SYK: variants seen among roughly 807,000 people sequenced by gnomAD.
SYK encodes the protein tyrosine-protein kinase SYK.
A neutral mutation model predicts 77.8 loss-of-function variants in SYK; 16 were observed. That is an observed-to-expected ratio of 0.21 (90% CI 0.14 to 0.31). SYK has a LOEUF of 0.31. SYK is among the 10% of genes least tolerant of loss of function. The pLI is 1.00. For missense variants in SYK, 529 were observed against 814.4 expected (o/e 0.65, Z 4.26); for synonymous variants, 312 against 308.7 (o/e 1.01, Z -0.11).
At chr9:90,808,546 C>A (rs1222627199) in intron 1 of SYK, among the ~76,000 whole-genome samples, 3 of 151,432 alleles carry the variant, frequency 2.0e-5, no homozygotes, top group African/African-American at 7.3e-5. Flanking sequence ...AGGAGGAGGG[C>A]AAGACCTGGA....
intron 1 of SYK, among the ~76,000 whole-genome samples, chr9:90,835,729 C>T (rs1826052984): frequency 6.6e-6 from 1 of 152,202 alleles, no homozygotes; most frequent in Non-Finnish European, 1.5e-5. Flanking sequence ...CCATCTGAAG[C>T]AGCCACAGGG....
intron 3 of SYK, among the ~76,000 whole-genome samples, chr9:90,852,923 G>A (rs1826874417): frequency 2.0e-5 from 3 of 152,196 alleles, no homozygotes; most frequent in African/African-American, 7.2e-5. Flanking sequence ...AAGCTGATGT[G>A]CTGCAAAGTC....
At chr9:90,885,704 G>A (rs1301972632) in intron 11 of SYK, among the ~76,000 whole-genome samples, 1 of 152,124 alleles carries the variant, frequency 6.6e-6, no homozygotes, top group South Asian at 2.1e-4. Context: ...CAGATACAAT[G>A]CAAAATCATC....
rs200167353 is a variant in SYK at position 90,874,725 on chromosome 9, G to A, written c.1057G>A (p.Ala353Thr). 105 of 1,613,988 alleles carry A rather than the reference G, an allele frequency of 6.5e-5. No homozygotes were observed. Among genetic ancestry groups the A allele is most frequent in the Non-Finnish European group, 8.5e-5 (100 of 1,180,028 alleles). ...MDTEVYESPY[A>T]DPEEIRPKEV... Reference sequence around the variant, plus strand: ...CACAGAGGTGTACGAGAGCCCCTACGCGGACCCCGAGGAGATCAGGCCCAA... The same window carrying A: ...CACAGAGGTGTACGAGAGCCCCTACACGGACCCCGAGGAGATCAGGCCCAA... The change falls in exon 9 of 14, where the codon GCG (alanine) becomes ACG (threonine). Residue 353 changes from alanine to threonine, a missense_variant. Ala to Thr is a moderately conservative substitution (Grantham distance 58). This residue lies in a region of SYK where 208 missense variants were observed against 381.3 expected (regional missense o/e 0.55). Transcript: ENST00000375754.
intron 11 of SYK, among the ~76,000 whole-genome samples, chr9:90,884,208 T>TA (rs1828290466): frequency 6.8e-6 from 1 of 147,582 alleles, no homozygotes; most frequent in Admixed American, 6.7e-5. Flanking sequence ...CATACGTGTA[T>TA]ATATACACGC....
At chr9:90,836,169 C>T (rs1564081810) in intron 1 of SYK, among the ~76,000 whole-genome samples, 1 of 151,994 alleles carries the variant, frequency 6.6e-6, no homozygotes, top group African/African-American at 2.4e-5. Context: ...CACCTGTAAT[C>T]CCAGCTACTT....
chr9:90,865,420 G>C (rs540617234), intron 6 of SYK, among the ~76,000 whole-genome samples: 39 of 151,768 alleles, frequency 2.6e-4, no homozygotes, highest in African/African-American at 8.9e-4. Context: ...CCATTCTCAT[G>C]CCTCAGCCTC....
At chr9:90,842,756 AGAGTGTGTGTGTGTGTGTGT>A (rs1564087456) in intron 1 of SYK, among the ~76,000 whole-genome samples, 13 of 143,544 alleles carry the variant, frequency 9.1e-5, no homozygotes, top group African/African-American at 5.3e-5. Flanking sequence ...TGGTATGGAG[AGAGTGTGTGTGTGTGTGTGT>A]GTGTGTGTGT....
chr9:90,846,173 G>A (rs925399805), intron 3 of SYK, among the ~76,000 whole-genome samples: 1 of 152,180 alleles, frequency 6.6e-6, no homozygotes, highest in African/African-American at 2.4e-5. Flanking sequence ...ATTGTAGAAG[G>A]TTCTGAGATA....
At chr9:90,866,272 C>T (rs922356215) in intron 6 of SYK, among the ~76,000 whole-genome samples, 1 of 152,112 alleles carries the variant, frequency 6.6e-6, no homozygotes, top group South Asian at 2.1e-4. Context: ...GCCTGGTAAC[C>T]CTTGAAAAAC....
At chr9:90,894,306 T>G (rs1480057384) in intron 13 of SYK, among the ~76,000 whole-genome samples, 1 of 152,154 alleles carries the variant, frequency 6.6e-6, no homozygotes, top group East Asian at 1.9e-4. Flanking sequence ...CGGAACACAC[T>G]TGGTGGCCAG....
At chr9:90,864,809 AT>A in intron 5 of SYK, 142 bp downstream of exon 5, 1 of 762,454 alleles carries the variant, frequency 1.3e-6, no homozygotes, top group East Asian at 2.6e-5. Context: ...GAGCACTCCG[AT>A]TTTGTATATC....
intron 7 of SYK, among the ~76,000 whole-genome samples, chr9:90,872,485 A>C (rs1462278528): frequency 2.0e-5 from 3 of 152,250 alleles, no homozygotes; most frequent in African/African-American, 7.2e-5. Context: ...TGGTTGCGGG[A>C]GAAAACTGGG....
chr9:90,854,793 C>T (rs967992700), intron 3 of SYK, among the ~76,000 whole-genome samples: 1 of 152,020 alleles, frequency 6.6e-6, no homozygotes, highest in African/African-American at 2.4e-5. Flanking sequence ...ATTCAGGTGC[C>T]CTCCTGACCT....
chr9:90,807,495 T>G (rs1486379049), intron 1 of SYK, among the ~76,000 whole-genome samples: 1 of 151,886 alleles, frequency 6.6e-6, no homozygotes, highest in Non-Finnish European at 1.5e-5. Context: ...GGCTTCACTC[T>G]GATACCTAAT....
At chr9:90,832,226 C>A (rs1299814267) in intron 1 of SYK, among the ~76,000 whole-genome samples, 2 of 151,978 alleles carry the variant, frequency 1.3e-5, no homozygotes, top group Non-Finnish European at 2.9e-5. Context: ...TAACAAGAAG[C>A]AACTGTATTT....
intron 11 of SYK, among the ~76,000 whole-genome samples, chr9:90,879,437 C>A (rs2118897458): frequency 6.6e-6 from 1 of 152,344 alleles, no homozygotes; most frequent in South Asian, 2.1e-4. Context: ...CACTGTCCCA[C>A]AGCATGGAGC....
intron 3 of SYK, among the ~76,000 whole-genome samples, chr9:90,859,192 A>G (rs1344364153): frequency 6.6e-6 from 1 of 152,262 alleles, no homozygotes; most frequent in Non-Finnish European, 1.5e-5. Flanking sequence ...GCATTGCAGG[A>G]GACCACTCCG....
rs201184094 is a variant in SYK at position 90,896,040 on chromosome 9, G to C, written c.*440G>C. 7.1e-5 allele frequency: 17 copies of C among 238,140 alleles called. No individual in the cohort carries two copies. The highest frequency in any genetic ancestry group is 1.2e-4 in the Non-Finnish European group (15 of 121,050). The allele number at this position is 238,140 out of a possible 1,614,324, so 14.8% of individuals were successfully genotyped here. ...TGCCTTAGCATGTGACTCCTGAAGG[G>C]AAGGCAAAGGCAGAGGAATTTGGCT... On this transcript the variant is annotated 3_prime_UTR_variant, in exon 14 of 14. Transcript: ENST00000375754.
Sources: allele counts gnomAD v4.1 joint callset (sites outside exome capture counted in the v4.1 genomes callset), GRCh38; gene constraint gnomAD v4.1.1; regional missense constraint gnomAD v4.1.1; transcripts MANE v1.5; gene names NCBI Gene and HGNC (gene_info 2026-07-23, HGNC 2026-07-21).